The following SH2D6 variants were observed in gnomAD, a reference collection of about 807,000 sequenced individuals.
The protein encoded by SH2D6 is SH2 domain containing 6.
In SH2D6, 31 loss-of-function variants were observed where a neutral mutation model predicts 30.2. The observed-to-expected ratio is 1.03, with a 90% CI of 0.77 to 1.38. The LOEUF is 1.38. Among genes scored for constraint, SH2D6 ranks in the 40% most tolerant of loss-of-function variants. The probability of loss-of-function intolerance (pLI) is 0.00; values close to 1 mark genes in which losing one functional copy is unlikely to be tolerated. For missense variants in SH2D6, 240 were observed against 266.8 expected, an observed-to-expected ratio of 0.90 and a Z score of 0.70; for synonymous variants, 93 against 104.6, an observed-to-expected ratio of 0.89 and a Z score of 0.68.
chr2:85,435,381 G>A, intron 20 of SH2D6, 32 bp from the exon 21 acceptor site: 1 of 1,607,444 alleles, frequency 6.2e-7, no homozygotes, highest in South Asian at 1.1e-5. Flanking sequence ...GAGTGCCCTG[G>A]CATGTTTCTG....
chr2:85,435,955 A>AGAGCCCT, intron 22 of SH2D6, 131 bp downstream of exon 22: 1 of 1,288,878 alleles, frequency 7.8e-7, no homozygotes, highest in Non-Finnish European at 1.0e-6. Context: ...GACAGAGCCC[A>AGAGCCCT]GAGCCCTGAA....
Position 85,422,699 on chromosome 2 carries a change from GA to G in SH2D6, c.-309+10del, listed in dbSNP as rs1281503805. On this transcript the variant is annotated intron_variant, in intron 5 of 23. Transcript: ENST00000469800. ...AGGGCAGGGCAGGACAGGTGAGTGG[GA>G]CAGAGGCACACCACCTGGGTGGGAC... 2 of 152,630 alleles carry G rather than the reference GA, an allele frequency of 1.3e-5. No homozygotes were observed. The highest frequency in any genetic ancestry group is 4.8e-5 in the African/African-American group (2 of 41,464). The allele number at this position is 152,630 out of a possible 1,614,324, so 9.5% of individuals were successfully genotyped here.
At chr2:85,433,003 A>G (rs10865478) in intron 14 of SH2D6, 96 bp from the exon 15 acceptor site, 590,879 of 961,890 alleles carry the variant, frequency 0.61, 183,073 homozygotes, top group African/African-American at 0.74. Flanking sequence ...CCTCGGAGGC[A>G]CCCTAAGGAG....
intron 6 of SH2D6, among the ~76,000 whole-genome samples, chr2:85,426,061 G>T (rs1040190846): frequency 3.3e-5 from 5 of 152,108 alleles, no homozygotes; most frequent in African/African-American, 4.8e-5. Flanking sequence ...TCTGTTCTTG[G>T]TGAGCCCAGC....
At chr2:85,428,120 T>A (rs1024838682) in intron 6 of SH2D6, among the ~76,000 whole-genome samples, 1 of 152,216 alleles carries the variant, frequency 6.6e-6, no homozygotes, top group Non-Finnish European at 1.5e-5. Context: ...CTCCTTTTTA[T>A]CTTTTTATCG....
intron 7 of SH2D6, among the ~76,000 whole-genome samples, chr2:85,428,983 C>A (rs1209768912): frequency 6.6e-6 from 1 of 152,196 alleles, no homozygotes; most frequent in Non-Finnish European, 1.5e-5. Flanking sequence ...ATGAAGCTGC[C>A]ACACTAAATA....
At chr2:85,420,903 C>G (rs1687726720) in intron 2 of SH2D6, 1 of 152,388 alleles carries the variant, frequency 6.6e-6, no homozygotes, top group South Asian at 2.1e-4. Flanking sequence ...GGGACTGTGG[C>G]TTTGGCTCTG....
At chr2:85,423,731 C>T (rs889593870) in intron 5 of SH2D6, among the ~76,000 whole-genome samples, 6 of 152,236 alleles carry the variant, frequency 3.9e-5, no homozygotes, top group African/African-American at 1.4e-4. Flanking sequence ...GCTGAGTCAG[C>T]AGACCTGTGA....
At chr2:85,423,198 T>C (rs12998122) in intron 5 of SH2D6, among the ~76,000 whole-genome samples, 2 of 151,996 alleles carry the variant, frequency 1.3e-5, no homozygotes, top group Non-Finnish European at 2.9e-5. Flanking sequence ...TGTTTTTTTT[T>C]TTGTTGTTGT....
rs1689370631 is a variant in SH2D6 at position 85,435,694 on chromosome 2, C to T, written c.761C>T (p.Ser254Leu). 1 of 1,612,414 alleles carries T rather than the reference C, an allele frequency of 6.2e-7. No homozygotes were observed. Among genetic ancestry groups the T allele is most frequent in the Non-Finnish European group, 8.5e-7 (1 of 1,179,340 alleles). ...KDGAYTVRPS[S>L]GPHGSQPFTL... is the part of the protein sequence containing the mutation. The stretch of plus-strand genomic sequence containing the variant: ...GGGGCCTATACCGTGCGCCCCAGCT[C>T]AGGGCCTCATGGCTCCCAGCCCTTC... Residue 254 changes from serine to leucine, a missense_variant, in exon 22 of 24, where the codon TCA becomes TTA. Coordinates refer to ENST00000469800, the MANE Select transcript of SH2D6 (RefSeq NM_001394463.1).
At chr2:85,422,538 G>A (rs1410523419) in intron 4 of SH2D6, 48 bp downstream of exon 4, 2 of 152,398 alleles carry the variant, frequency 1.3e-5, no homozygotes, top group Non-Finnish European at 2.9e-5. Flanking sequence ...CTGGGGATGG[G>A]GAGGTAGGAG....
intron 22 of SH2D6, 66 bp downstream of exon 22, chr2:85,435,890 A>C: frequency 6.9e-7 from 1 of 1,453,912 alleles, no homozygotes; most frequent in Non-Finnish European, 9.1e-7. Context: ...CCTAGCCAAG[A>C]GCATTTGCCT....
intron 2 of SH2D6, chr2:85,421,403 A>T (rs117923311): frequency 6.6e-6 from 1 of 152,278 alleles, no homozygotes; most frequent in East Asian, 1.9e-4. Context: ...AGTCGAAGAC[A>T]TATGGACAGG....
At chr2:85,428,868 T>G (rs6727913) in intron 7 of SH2D6, among the ~76,000 whole-genome samples, 171 bp downstream of exon 7, 73,689 of 151,878 alleles carry the variant, frequency 0.49, 18,645 homozygotes, top group African/African-American at 0.62. Context: ...CGTAATGCCT[T>G]CCTGCTTCAT....
Position 85,435,121 on chromosome 2 carries a change from G to A in SH2D6, c.646G>A (p.Glu216Lys), listed in dbSNP as rs139067996. 3.6e-4 allele frequency: 583 copies of A among 1,610,222 alleles called. 1 individual carries two copies. The highest frequency in any genetic ancestry group is 4.8e-4 in the Non-Finnish European group (561 of 1,178,980). The stretch of plus-strand genomic sequence containing the variant: ...CCCCACTGGGAGTGCCTCAGCTGCT[G>A]AGGTGAGGAGGGGCTGGGAGCAGGC... ...VAPTGSASAAEDSDLLTQPWY... is the reference protein window; with the variant it reads ...VAPTGSASAAKDSDLLTQPWY... The change falls in exon 20 of 24, where the codon GAG (glutamate) becomes AAG (lysine). Residue 216 changes from glutamate (E) to lysine (K), a missense_variant and splice_region_variant. By Grantham distance (56) the Glu-to-Lys change is moderately conservative. Transcript: ENST00000469800.
intron 19 of SH2D6, 72 bp from the exon 20 acceptor site, chr2:85,434,992 TC>T (rs1339121446): frequency 6.6e-7 from 1 of 1,523,666 alleles, no homozygotes; most frequent in Non-Finnish European, 8.8e-7. Flanking sequence ...CCCGCAGCTG[TC>T]CCCTAGAAGC....
chr2:85,420,485 C>T (rs867188115), intron 2 of SH2D6, among the ~76,000 whole-genome samples: 9 of 152,194 alleles, frequency 5.9e-5, no homozygotes, highest in African/African-American at 2.2e-4. Context: ...TCCAGGGCTT[C>T]GCACCAGACC....
intron 14 of SH2D6, among the ~76,000 whole-genome samples, chr2:85,432,804 G>A (rs917824828): frequency 5.3e-5 from 8 of 152,202 alleles, no homozygotes; most frequent in Admixed American, 3.9e-4. Context: ...CCAAAGTGCT[G>A]GGAATTACAG....
chr2:85,423,198 T>TTGTTG, intron 5 of SH2D6, among the ~76,000 whole-genome samples: 1 of 152,114 alleles, frequency 6.6e-6, no homozygotes, highest in East Asian at 2.0e-4. Context: ...TGTTTTTTTT[T>TTGTTG]TTGTTGTTGT....
Sources: allele counts gnomAD v4.1 joint callset (sites outside exome capture counted in the v4.1 genomes callset), GRCh38; gene constraint gnomAD v4.1.1; transcripts MANE v1.5; gene names NCBI Gene and HGNC (gene_info 2026-07-23, HGNC 2026-07-21).